Variants in GARS1 observed in about 807,000 individuals in gnomAD.
GARS1 encodes the protein glycyl-tRNA synthetase 1.
In GARS1, 46 loss-of-function variants were observed where a neutral mutation model predicts 86.4. The observed-to-expected ratio is 0.53, with a 90% CI of 0.42 to 0.68. GARS1 has a LOEUF of 0.68. Ranked by LOEUF, GARS1 falls within the 30% of genes least tolerant of loss-of-function variation. The probability of loss-of-function intolerance (pLI) is 0.00; values close to 1 mark genes in which losing one functional copy is unlikely to be tolerated. For missense variants in GARS1, 797 were observed against 915.6 expected, an observed-to-expected ratio of 0.87 and a Z score of 1.67; for synonymous variants, 342 against 329.8, an observed-to-expected ratio of 1.04 and a Z score of -0.40.
At chr7:30,630,453 A>G (rs1028845273) in intron 14 of GARS1, among the ~76,000 whole-genome samples, 4 of 150,678 alleles carry the variant, frequency 2.7e-5, no homozygotes, top group Admixed American at 6.6e-5. Context: ...AACTGCCTTC[A>G]GTTCCCATTT....
intron 1 of GARS1, among the ~76,000 whole-genome samples, chr7:30,596,290 C>G (rs1334582254): frequency 1.3e-5 from 2 of 152,222 alleles, no homozygotes; most frequent in African/African-American, 4.8e-5. Flanking sequence ...AATAAATAGC[C>G]TTTCATTTTG....
intron 10 of GARS1, among the ~76,000 whole-genome samples, chr7:30,617,524 T>C (rs1377378637): frequency 3.3e-5 from 5 of 152,198 alleles, no homozygotes; most frequent in Non-Finnish European, 7.3e-5. Context: ...ATGTGTACAC[T>C]GCTGTACAGT....
At position 30,611,587 on chromosome 7, in the gene GARS1, C is replaced by T. The variant is rs560250731; in HGVS notation, c.882-509C>T. ...GCAACCTCTGCCTCCCAGGTTCAAG[C>T]GATTCTCTTGCCTCAGCCTCCTGAG... On this transcript the variant is annotated intron_variant, in intron 7 of 16. Transcript: ENST00000389266. Among the ~76,000 whole-genome samples, 38 of 152,232 alleles carry T rather than the reference C, an allele frequency of 2.5e-4. No individual in the cohort carries two copies. In the South Asian group the frequency reaches 6.6e-3, roughly 27 times the overall value.
chr7:30,617,440 A>G (rs1782911842), intron 10 of GARS1, among the ~76,000 whole-genome samples, 162 bp downstream of exon 10: 1 of 152,198 alleles, frequency 6.6e-6, no homozygotes, highest in Non-Finnish European at 1.5e-5. Context: ...CTGCCTTTTT[A>G]TAAGTGTCCT....
intron 2 of GARS1, 113 bp downstream of exon 2, chr7:30,599,010 A>T: frequency 2.4e-6 from 2 of 825,150 alleles, no homozygotes; most frequent in Non-Finnish European, 2.0e-6. Flanking sequence ...CATTTGGTTT[A>T]TCTGTTTATC....
At chr7:30,602,418 A>T (rs10239537) in intron 4 of GARS1, among the ~76,000 whole-genome samples, 2 of 152,210 alleles carry the variant, frequency 1.3e-5, no homozygotes, top group African/African-American at 4.8e-5. Flanking sequence ...GTCATTATTC[A>T]TTTAAGGTTG....
In GARS1 at chr7:30,595,219, C is replaced by T. The variant is rs542478317; in HGVS notation, c.222+76C>T. 68 of 1,279,700 alleles carry T rather than the reference C, an allele frequency of 5.3e-5. No individual in the cohort carries two copies. In the Admixed American group the frequency reaches 9.9e-4, roughly 19 times the overall value. 79.3% of individuals were successfully genotyped at this position (1,279,700 alleles called of 1,614,324 possible). On this transcript the variant is annotated intron_variant, in intron 1 of 16. Transcript: ENST00000389266. ...CTTCTTCTGGTCATCCTTCCCTCCTCCCCGGGGAACTGTCCTCCTCTTCGG... is the reference window on the plus strand; with the variant it reads ...CTTCTTCTGGTCATCCTTCCCTCCTTCCCGGGGAACTGTCCTCCTCTTCGG...
At chr7:30,633,597 T>A (rs1035616928) in intron 16 of GARS1, 138 bp from the exon 17 acceptor site, 17 of 992,700 alleles carry the variant, frequency 1.7e-5, no homozygotes, top group Non-Finnish European at 2.7e-5. Context: ...GTGGGCGTTT[T>A]GGGCTAGAAG....
rs1178336433 is a variant in GARS1 at position 30,622,171 on chromosome 7, A to G, written c.1468-146A>G. 3 of 898,770 alleles carry G rather than the reference A, an allele frequency of 3.3e-6. No individual in the cohort carries two copies. In the African/African-American group the frequency reaches 5.0e-5, roughly 15 times the overall value. The allele number at this position is 898,770 out of a possible 1,614,324, so 55.7% of individuals were successfully genotyped here. On this transcript the variant is annotated intron_variant, in intron 11 of 16. Transcript: ENST00000389266. ...GAATGATTTTGTGGACAGGTGTTTC[A>G]TCTTGCCTTAAAATCAGCATAAACA...
intron 7 of GARS1, 82 bp downstream of exon 7, chr7:30,609,812 GA>G: frequency 7.2e-7 from 1 of 1,390,082 alleles, no homozygotes; most frequent in Non-Finnish European, 1.0e-6. Flanking sequence ...TCAATGTTAT[GA>G]AGGAAAAATT....
intron 6 of GARS1, among the ~76,000 whole-genome samples, chr7:30,605,893 A>T (rs1791474344): frequency 6.6e-6 from 1 of 152,164 alleles, no homozygotes; most frequent in Non-Finnish European, 1.5e-5. Flanking sequence ...TCCAGTTTTT[A>T]AAATTTGAAT....
Position 30,619,084 on chromosome 7 carries a change from T to A in GARS1, c.1359+1806T>A, listed in dbSNP as rs191900858. On this transcript the variant is annotated intron_variant, in intron 10 of 16. Transcript: ENST00000389266. ...TGATTTCAGATTAAACCAGATGTTG[T>A]TCTTGCTGTCTCAGTTAAGTAATTT... is the stretch of plus-strand genomic sequence containing the variant. 1.9e-4 allele frequency among the ~76,000 whole-genome samples: 29 copies of A among 152,390 alleles called. 1 individual carries two copies. The highest frequency in any genetic ancestry group is 1.9e-3 in the Admixed American group (29 of 15,312).
intron 12 of GARS1, among the ~76,000 whole-genome samples, chr7:30,623,952 C>T (rs1783071659): frequency 1.3e-5 from 2 of 152,310 alleles, no homozygotes; most frequent in African/African-American, 4.8e-5. Context: ...AAAATTCCTA[C>T]ACCCAGCAAA....
intron 2 of GARS1, 135 bp downstream of exon 2, chr7:30,599,032 C>T: frequency 1.4e-6 from 1 of 724,926 alleles, no homozygotes. Flanking sequence ...ATAATGCCGC[C>T]TTCTCCTTTC....
chr7:30,595,648 G>A (rs1791231321), intron 1 of GARS1, among the ~76,000 whole-genome samples: 2 of 152,142 alleles, frequency 1.3e-5, no homozygotes, highest in Non-Finnish European at 2.9e-5. Flanking sequence ...TAATCTTTAG[G>A]ATGCTTTGAT....
intron 10 of GARS1, among the ~76,000 whole-genome samples, chr7:30,618,388 C>G (rs1432204657): frequency 1.3e-5 from 2 of 152,066 alleles, no homozygotes; most frequent in Non-Finnish European, 2.9e-5. Flanking sequence ...AATCCTAGCA[C>G]TTTGGGAGGC....
At position 30,598,806 on chromosome 7, in the gene GARS1, T is replaced by C. The variant is rs1791314092; in HGVS notation, c.233T>C (p.Val78Ala). 2 of 1,613,748 alleles carry C rather than the reference T, an allele frequency of 1.2e-6. No homozygotes were observed. The highest frequency in any genetic ancestry group is 1.7e-6 in the Non-Finnish European group (2 of 1,179,630). ...CTCTTTCTTGGCTAGGGAGATCTTG[T>C]GCGAAAACTCAAAGAAGATAAAGCA... Reference protein sequence around the residue: ...RLAVRQQGDLVRKLKEDKAPQ... With the variant: ...RLAVRQQGDLARKLKEDKAPQ... Residue 78 changes from valine to alanine, a missense_variant, in exon 2 of 17, where the codon GTG (valine) becomes GCG (alanine). By Grantham distance (64) the Val-to-Ala change is moderately conservative. This residue lies in a region of GARS1 where 199 missense variants were observed against 176.9 expected (regional missense o/e 1.12). Transcript: ENST00000389266.
chr7:30,633,636 G>A, intron 16 of GARS1, 99 bp from the exon 17 acceptor site: 3 of 1,412,566 alleles, frequency 2.1e-6, no homozygotes, highest in Non-Finnish European at 3.0e-6. Flanking sequence ...GCATGACATT[G>A]TTTGGCTCTG....
intron 10 of GARS1, 109 bp from the exon 11 acceptor site, chr7:30,621,284 C>G: frequency 1.1e-6 from 1 of 901,692 alleles, no homozygotes; most frequent in East Asian, 2.5e-5. Context: ...ATTATATCAT[C>G]GAATTATCAT....
Sources: allele counts gnomAD v4.1 joint callset (sites outside exome capture counted in the v4.1 genomes callset), GRCh38; gene constraint gnomAD v4.1.1; regional missense constraint gnomAD v4.1.1; transcripts MANE v1.5; gene names NCBI Gene and HGNC (gene_info 2026-07-23, HGNC 2026-07-21).